ZNF75D: variants seen among roughly 807,000 people sequenced by gnomAD.
The protein encoded by ZNF75D is zinc finger protein 75D, also known as zinc finger protein 75.
Under a neutral mutation model 33.3 loss-of-function variants are expected in ZNF75D, and 33 were observed. The ratio of observed to expected loss-of-function variants is 0.99; its 90% CI spans 0.75 to 1.32. ZNF75D has a LOEUF of 1.32. ZNF75D is among the 40% of genes most tolerant of loss of function. The probability of loss-of-function intolerance (pLI) is 0.00; values close to 1 mark genes in which losing one functional copy is unlikely to be tolerated. For missense variants in ZNF75D, 338 were observed against 367.5 expected (o/e 0.92, Z 0.66); for synonymous variants, 113 against 130.6 (o/e 0.87, Z 0.92).
chrX:135,261,071 G>A (rs1194531351), intron 1 of ZNF75D, among the ~76,000 whole-genome samples: 6 of 112,226 alleles, frequency 5.3e-5, no homozygotes, highest in African/African-American at 1.9e-4. Context: ...AGTCATTCAG[G>A]AGCAAGTTGT....
intron 1 of ZNF75D, among the ~76,000 whole-genome samples, chrX:135,258,912 G>A (rs993547569): frequency 8.9e-6 from 1 of 112,119 alleles, no homozygotes; most frequent in Non-Finnish European, 1.9e-5. Flanking sequence ...TCCTTCAAGG[G>A]TTTTTACGGT....
chrX:135,317,677 GAAC>G (rs782213417), intron 1 of ZNF75D, among the ~76,000 whole-genome samples: 90 of 110,911 alleles, frequency 8.1e-4, no homozygotes, highest in Non-Finnish European at 1.4e-3. Context: ...GGGTGGGTAA[GAAC>G]AACCTCAGGC....
intron 1 of ZNF75D, among the ~76,000 whole-genome samples, chrX:135,278,788 T>C (rs2083909475): frequency 8.9e-6 from 1 of 112,370 alleles, no homozygotes; most frequent in Admixed American, 9.4e-5. Context: ...TGATGGATTA[T>C]GTTTATTGGT....
chrX:135,340,686 C>A (rs782683547), intron 1 of ZNF75D, among the ~76,000 whole-genome samples: 1 of 111,860 alleles, frequency 8.9e-6, no homozygotes, highest in African/African-American at 3.3e-5. Context: ...GGAGTACAGG[C>A]GTAAGCCACT....
chrX:135,281,341 A>T (rs1430977743), downstream of ZNF75D, among the ~76,000 whole-genome samples: 3 of 109,222 alleles, frequency 2.7e-5, no homozygotes, highest in African/African-American at 1.0e-4. Flanking sequence ...CCTTCAGGTC[A>T]TTTGTGTTCT....
chrX:135,334,534 G>A (rs781958369), intron 1 of ZNF75D, among the ~76,000 whole-genome samples: 2 of 111,846 alleles, frequency 1.8e-5, no homozygotes, highest in Non-Finnish European at 3.8e-5. Flanking sequence ...ACCACTGCTC[G>A]GCCTTCTAGG....
intron 1 of ZNF75D, among the ~76,000 whole-genome samples, chrX:135,277,352 A>C (rs2083903042): frequency 1.8e-5 from 2 of 111,473 alleles, no homozygotes; most frequent in Admixed American, 9.5e-5. Flanking sequence ...TTTTCTTGTA[A>C]ATTTGTTTAA....
intron 1 of ZNF75D, among the ~76,000 whole-genome samples, chrX:135,329,016 T>G (rs781872281): frequency 6.9e-4 from 78 of 112,297 alleles, no homozygotes; most frequent in African/African-American, 2.5e-3. Flanking sequence ...CATATTCTCA[T>G]GCTTTTTTGT....
chrX:135,324,041 T>G (rs782689304), intron 1 of ZNF75D, among the ~76,000 whole-genome samples: 1 of 108,054 alleles, frequency 9.3e-6, no homozygotes, highest in East Asian at 2.9e-4. Flanking sequence ...CCAAAGAAGG[T>G]TTTTAAGAGG....
At chrX:135,276,542 A>G (rs1282197967) in intron 1 of ZNF75D, among the ~76,000 whole-genome samples, 1 of 111,370 alleles carries the variant, frequency 9.0e-6, no homozygotes, top group African/African-American at 3.3e-5. Context: ...CACTATGTGC[A>G]GGTTTGTTAC....
At chrX:135,274,773 C>A (rs1556417395) in intron 1 of ZNF75D, among the ~76,000 whole-genome samples, 1 of 111,980 alleles carries the variant, frequency 8.9e-6, no homozygotes, top group East Asian at 2.8e-4. Flanking sequence ...ATTTTTGATG[C>A]TCACTTAATA....
chrX:135,258,809 T>C (rs1556414964), intron 1 of ZNF75D, among the ~76,000 whole-genome samples: 2 of 112,177 alleles, frequency 1.8e-5, no homozygotes, highest in Non-Finnish European at 3.8e-5. Context: ...TTAAATCCCA[T>C]TTGTATATTT....
In ZNF75D at chrX:135,343,614, G is replaced by C. The variant is rs1556446140; in HGVS notation, c.-2237C>G. 2.7e-5 allele frequency: 3 copies of C among 111,981 alleles called. No individual in the cohort carries two copies. Among genetic ancestry groups the C allele is most frequent in the Non-Finnish European group, 5.6e-5 (3 of 53,146 alleles). 9.2% of individuals were successfully genotyped at this position (111,981 alleles called of 1,213,427 possible). On this transcript the variant is annotated 5_prime_UTR_variant, in exon 1 of 7. Transcript: ENST00000370766. ...AGCAGCAGGAGTTCTGGCTCCGGGC[G>C]TAGGAACTTCCATAGTTTCCCTCTC...
At position 135,292,858 on chromosome X, in the gene ZNF75D, G is replaced by C. The variant is rs2084067033; in HGVS notation, c.412-385C>G. 5.4e-5 allele frequency among the ~76,000 whole-genome samples: 6 copies of C among 112,082 alleles called. No homozygotes were observed. In the Admixed American group the frequency reaches 5.7e-4, roughly 11 times the overall value. ...GTGAATTTTTATCTTTTGGTTTTCT[G>C]TAAAAGAAAAGGAATTGAGTGAAAT... On this transcript the variant is annotated intron_variant, in intron 3 of 6. Coordinates refer to ENST00000370766, the MANE Select transcript of ZNF75D (RefSeq NM_007131.5).
rs782477905 is a variant in ZNF75D at position 135,292,332 on chromosome X, C to G, written c.553G>C (p.Glu185Gln). The G allele has an allele frequency of 2.5e-6, 3 of 1,211,534 alleles. No individual in the cohort carries two copies. The highest frequency in any genetic ancestry group is 3.4e-6 in the Non-Finnish European group (3 of 895,412). Residue 185 changes from glutamate to glutamine, a missense_variant, in exon 4 of 7, where the codon GAA (glutamate) becomes CAA (glutamine). Transcript: ENST00000370766. Reference protein sequence around the residue: ...EYWNTYRVLQEQLGWNTHKET... With the variant: ...EYWNTYRVLQQQLGWNTHKET... ...TTGTGAGTGTTCCAGCCCAGCTGTT[C>G]TTGTAGTACCCGGTATGTATTCCAA... is the stretch of plus-strand genomic sequence containing the variant.
chrX:135,309,285 C>T (rs1488383059), intron 1 of ZNF75D, among the ~76,000 whole-genome samples: 2 of 111,933 alleles, frequency 1.8e-5, no homozygotes, highest in Non-Finnish European at 3.8e-5. Flanking sequence ...CAGGCTCCTA[C>T]ACAGCCCCAT....
Position 135,289,627 on chromosome X carries a change from GACACACACACACACACACACAC to G in ZNF75D, c.823+1360_823+1381del, listed in dbSNP as rs60550937. ...TGAGACTCTGACACACACACACACA[GACACACACACACACACACACAC>G]ACACACACACACACACACACACAGA... On this transcript the variant is annotated intron_variant, in intron 6 of 6. Transcript: ENST00000370766. Among the ~76,000 whole-genome samples, 29 of 88,919 alleles carry G rather than the reference GACACACACACACACACACACAC, an allele frequency of 3.3e-4. 1 individual carries two copies. Among genetic ancestry groups the G allele is most frequent in the Admixed American group, 2.9e-3 (23 of 7,889 alleles). The allele number at this position is 88,919 out of a possible 115,157, so 77.2% of individuals were successfully genotyped here. A position where few individuals can be genotyped will look rare whatever the true frequency, so the allele number is the denominator to read the frequency against.
In ZNF75D at chrX:135,287,544, C is replaced by T. The variant is rs1556419965; in HGVS notation, c.1126G>A (p.Val376Ile). 8.3e-7 allele frequency: 1 copy of T among 1,212,091 alleles called. No individual in the cohort carries two copies. Residue 376 changes from valine (V) to isoleucine (I), a missense_variant, in exon 7 of 7, where the codon GTT (valine) becomes ATT (isoleucine). By Grantham distance (29) the Val-to-Ile change is conservative. Transcript: ENST00000370766. ...KCQECGKSFRVSSDLIKHHRI... is the reference protein window; with the variant it reads ...KCQECGKSFRISSDLIKHHRI... ...TGGTGTTTAATAAGATCAGAGCTAA[C>T]TCTGAAGCTTTTCCCACATTCCTGA...
intron 2 of ZNF75D, among the ~76,000 whole-genome samples, 161 bp from the exon 3 acceptor site, chrX:135,294,419 AG>A (rs1274799387): frequency 2.7e-5 from 3 of 112,560 alleles, no homozygotes; most frequent in African/African-American, 9.7e-5. Flanking sequence ...TAGATTACTC[AG>A]GAGGTAAGTT....
Sources: gnomAD v4.1 joint callset for allele counts (sites outside exome capture counted in the v4.1 genomes callset) on GRCh38, gnomAD v4.1.1 for gene constraint, MANE v1.5 for transcripts, NCBI Gene and HGNC (gene_info 2026-07-23, HGNC 2026-07-21) for gene names.